The following ERBIN variants were observed in gnomAD, a reference collection of about 807,000 sequenced individuals.
The protein encoded by ERBIN is erbb2 interacting protein.
ERBIN carries 60 observed loss-of-function variants against 158.4 expected under a neutral mutation model. The observed-to-expected ratio is 0.38, with a 90% confidence interval of 0.31 to 0.47. The LOEUF is 0.47. Among genes scored for constraint, ERBIN ranks in the 20% least tolerant of loss-of-function variants. ERBIN has a pLI of 0.99. For missense variants in ERBIN, 1,610 were observed against 1,648.0 expected, an observed-to-expected ratio of 0.98 and a Z score of 0.40; for synonymous variants, 594 against 557.2, an observed-to-expected ratio of 1.07 and a Z score of -0.93.
chr5:65,971,231 G>C (rs1749209519), intron 1 of ERBIN, among the ~76,000 whole-genome samples: 3 of 148,990 alleles, frequency 2.0e-5, no homozygotes, highest in Admixed American at 2.0e-4. Flanking sequence ...GATTTATCTT[G>C]TTTGTGCATG....
intron 4 of ERBIN, among the ~76,000 whole-genome samples, chr5:65,999,118 C>T (rs1193430896): frequency 6.6e-6 from 1 of 152,128 alleles, no homozygotes; most frequent in African/African-American, 2.4e-5. Context: ...CCTGTAATCC[C>T]AGCATTGTGG....
intron 1 of ERBIN, among the ~76,000 whole-genome samples, chr5:65,943,097 C>T (rs906170346): frequency 6.6e-6 from 1 of 152,080 alleles, no homozygotes; most frequent in Non-Finnish European, 1.5e-5. Context: ...TAGCTAAAGT[C>T]TATTGTTTAT....
intron 17 of ERBIN, among the ~76,000 whole-genome samples, chr5:66,044,663 G>C (rs961722742): frequency 1.3e-5 from 2 of 152,084 alleles, no homozygotes; most frequent in African/African-American, 4.8e-5. Context: ...TACTTGGGAG[G>C]CTGAGGCAGG....
intron 1 of ERBIN, among the ~76,000 whole-genome samples, chr5:65,945,222 A>G (rs1745595201): frequency 2.0e-5 from 3 of 152,240 alleles, no homozygotes; most frequent in South Asian, 2.1e-4. Flanking sequence ...ATTTTTCTAT[A>G]CAGGATAAAT....
chr5:66,003,923 C>CTTTTTT (rs35063438), intron 4 of ERBIN, among the ~76,000 whole-genome samples: 9 of 62,658 alleles, frequency 1.4e-4, no homozygotes, highest in African/African-American at 5.6e-4. Context: ...GAGCAGCAGT[C>CTTTTTT]TTTTTTTTTT....
chr5:66,014,745 T>C lies in ERBIN; in HGVS notation c.533+20T>C. The C allele has an allele frequency of 1.6e-6, 2 of 1,212,464 alleles. No homozygotes were observed. Among genetic ancestry groups the C allele is most frequent in the Non-Finnish European group, 2.3e-6 (2 of 879,720 alleles). The allele number at this position is 1,212,464 out of a possible 1,614,324, so 75.1% of individuals were successfully genotyped here. Reference sequence around the variant, plus strand: ...GCCTAAGTAAGTAAAGGTGCTATTCTTTAAAAAACTTAATTTATAATTTTT... The same window carrying C: ...GCCTAAGTAAGTAAAGGTGCTATTCCTTAAAAAACTTAATTTATAATTTTT... On this transcript the variant is annotated intron_variant, in intron 7 of 25. Coordinates refer to ENST00000284037, the MANE Select transcript of ERBIN (RefSeq NM_001253697.2).
chr5:66,046,308 A>G, intron 17 of ERBIN, 45 bp from the exon 18 acceptor site: 1 of 1,159,116 alleles, frequency 8.6e-7, no homozygotes, highest in Non-Finnish European at 1.2e-6. Context: ...TAAAATAGAT[A>G]TAAAACTTAA....
chr5:65,948,771 T>TTG (rs1554046020), intron 1 of ERBIN, among the ~76,000 whole-genome samples: 8 of 144,828 alleles, frequency 5.5e-5, no homozygotes, highest in African/African-American at 1.6e-4. Flanking sequence ...CGTTTTTTTT[T>TTG]TTTTTTTTTT....
chr5:66,006,194 G>A (rs971736790), intron 4 of ERBIN, among the ~76,000 whole-genome samples: 1 of 152,126 alleles, frequency 6.6e-6, no homozygotes, highest in Non-Finnish European at 1.5e-5. Flanking sequence ...CCAAAACAGA[G>A]ATAAAGACCA....
chr5:65,974,046 G>T (rs1427336959), intron 1 of ERBIN, among the ~76,000 whole-genome samples: 1 of 151,008 alleles, frequency 6.6e-6, no homozygotes, highest in Non-Finnish European at 1.5e-5. Flanking sequence ...ACCAGCCTGG[G>T]CAACATAGCG....
chr5:65,991,191 A>C (rs1751835718), intron 2 of ERBIN, among the ~76,000 whole-genome samples: 1 of 152,226 alleles, frequency 6.6e-6, no homozygotes, highest in South Asian at 2.1e-4. Context: ...CTTGAGGCAA[A>C]AGGAAAAATC....
At chr5:65,933,648 GT>G (rs1245410233) in intron 1 of ERBIN, among the ~76,000 whole-genome samples, 2 of 152,044 alleles carry the variant, frequency 1.3e-5, no homozygotes, top group Admixed American at 1.3e-4. Flanking sequence ...CTTTCTTCTT[GT>G]TTTGGGTGTC....
At chr5:66,023,235 A>G (rs1412199761) in intron 8 of ERBIN, 55 bp from the exon 9 acceptor site, 40 of 1,286,906 alleles carry the variant, frequency 3.1e-5, no homozygotes, top group Non-Finnish European at 7.9e-6. Flanking sequence ...TGCCAGATAA[A>G]GACATTCATA....
intron 1 of ERBIN, among the ~76,000 whole-genome samples, chr5:65,967,719 T>C (rs1748819755): frequency 6.6e-6 from 1 of 152,262 alleles, no homozygotes; most frequent in Non-Finnish European, 1.5e-5. Context: ...AATCAGACCT[T>C]ATACCAATTA....
intron 9 of ERBIN, among the ~76,000 whole-genome samples, chr5:66,023,697 A>G (rs1755936831): frequency 7.4e-6 from 1 of 135,800 alleles, no homozygotes; most frequent in African/African-American, 2.8e-5. Flanking sequence ...TTTTTTTGAG[A>G]CAGAGTCTCG....
At chr5:65,961,907 A>G (rs1000580703) in intron 1 of ERBIN, among the ~76,000 whole-genome samples, 8 of 152,170 alleles carry the variant, frequency 5.3e-5, no homozygotes, top group Non-Finnish European at 8.8e-5. Context: ...GGTGCCTTAC[A>G]TAGTACTGTA....
chr5:65,940,432 C>CG, intron 1 of ERBIN, among the ~76,000 whole-genome samples: 1 of 133,956 alleles, frequency 7.5e-6, no homozygotes, highest in Admixed American at 7.0e-5. Flanking sequence ...GTCAGCCCCC[C>CG]GCCCGGCCAG....
intron 21 of ERBIN, among the ~76,000 whole-genome samples, chr5:66,057,885 C>A (rs1235572731): frequency 2.3e-4 from 34 of 150,046 alleles, no homozygotes; most frequent in African/African-American, 8.6e-4. Flanking sequence ...ATGAACTTAT[C>A]ATTTTTTATG....
chr5:65,982,857 C>T (rs993820841), intron 1 of ERBIN, among the ~76,000 whole-genome samples: 2 of 152,142 alleles, frequency 1.3e-5, no homozygotes, highest in Admixed American at 1.3e-4. Flanking sequence ...GTTCTTATAA[C>T]GCTTGTACAC....
Sources: gnomAD v4.1 joint callset for allele counts (sites outside exome capture counted in the v4.1 genomes callset) on GRCh38, gnomAD v4.1.1 for gene constraint, MANE v1.5 for transcripts, NCBI Gene and HGNC (gene_info 2026-07-23, HGNC 2026-07-21) for gene names.